PTPRD: variants seen among roughly 807,000 people sequenced by gnomAD.
PTPRD encodes protein tyrosine phosphatase receptor type D, also known as receptor-type tyrosine-protein phosphatase delta.
Under a neutral mutation model 214.5 loss-of-function variants are expected in PTPRD, and 34 were observed. That is an observed-to-expected ratio of 0.16 (90% CI 0.12 to 0.21). The LOEUF is 0.21. PTPRD is among the 10% of genes least tolerant of loss of function. The probability of loss-of-function intolerance (pLI) is 1.00; values close to 1 mark genes in which losing one functional copy is unlikely to be tolerated. For missense variants in PTPRD, 2,545 were observed against 2,398.7 expected, an observed-to-expected ratio of 1.06 and a Z score of -1.27; for synonymous variants, 1,128 against 845.7, an observed-to-expected ratio of 1.33 and a Z score of -5.79.
chr9:10,063,719 G>C (rs529597150), intron 3 of PTPRD, among the ~76,000 whole-genome samples: 5 of 152,086 alleles, frequency 3.3e-5, no homozygotes, highest in African/African-American at 9.6e-5. Context: ...AGAATCTGAG[G>C]TATATGAGGG....
intron 10 of PTPRD, among the ~76,000 whole-genome samples, chr9:9,075,352 T>G (rs150110643): frequency 4.3e-4 from 66 of 152,298 alleles, no homozygotes; most frequent in Admixed American, 1.4e-3. Flanking sequence ...TTTTGTTGAC[T>G]GTAATCACCC....
intron 27 of PTPRD, among the ~76,000 whole-genome samples, chr9:8,487,403 T>C (rs766212673): frequency 1.1e-4 from 16 of 151,922 alleles, no homozygotes; most frequent in Admixed American, 4.6e-4. Context: ...TGAGGGATGA[T>C]CATCAGAATA....
chr9:9,527,886 A>G (rs143587587), intron 8 of PTPRD, among the ~76,000 whole-genome samples: 1 of 152,360 alleles, frequency 6.6e-6, no homozygotes, highest in East Asian at 1.9e-4. Context: ...CTAGAATGTA[A>G]TAACAAAGAC....
intron 5 of PTPRD, among the ~76,000 whole-genome samples, chr9:9,889,788 AGTGTGT>A (rs138586181): frequency 2.1e-5 from 3 of 146,212 alleles, no homozygotes; most frequent in African/African-American, 7.5e-5. Flanking sequence ...GTTCCTGCTG[AGTGTGT>A]GTGTGTGTGT....
chr9:10,357,846 T>G (rs1597978671), intron 2 of PTPRD, among the ~76,000 whole-genome samples: 1 of 152,148 alleles, frequency 6.6e-6, no homozygotes, highest in Admixed American at 6.5e-5. Flanking sequence ...TCAAAACCCA[T>G]GAGGTCACTG....
chr9:9,750,107 C>G (rs2098502078), intron 6 of PTPRD, among the ~76,000 whole-genome samples: 1 of 152,148 alleles, frequency 6.6e-6, no homozygotes, highest in Non-Finnish European at 1.5e-5. Flanking sequence ...TACACAATTA[C>G]TAATACAAAT....
At chr9:8,331,496 A>C (rs1841019308) in intron 44 of PTPRD, 86 bp downstream of exon 44, 3 of 1,476,754 alleles carry the variant, frequency 2.0e-6, no homozygotes, top group Non-Finnish European at 2.7e-6. Context: ...AAAATTTCAA[A>C]TAAGCAAACT....
At chr9:10,296,322 T>G (rs907221980) in intron 3 of PTPRD, among the ~76,000 whole-genome samples, 2 of 151,966 alleles carry the variant, frequency 1.3e-5, no homozygotes, top group Admixed American at 1.3e-4. Flanking sequence ...GCCTGAAACT[T>G]ATATTCGTTT....
At chr9:8,930,326 G>C (rs1274002692) in intron 11 of PTPRD, among the ~76,000 whole-genome samples, 1 of 152,034 alleles carries the variant, frequency 6.6e-6, no homozygotes, top group Non-Finnish European at 1.5e-5. Context: ...ATTCCATGGT[G>C]TATATGTGCC....
intron 11 of PTPRD, among the ~76,000 whole-genome samples, chr9:8,917,059 T>C (rs1028374847): frequency 6.6e-5 from 10 of 151,372 alleles, no homozygotes; most frequent in Non-Finnish European, 1.3e-4. Context: ...TCTTTCTTTT[T>C]TTTTTTTTTT....
chr9:8,500,050 C>CAAAAAAAAAAAAAAAAAAAGAAAAA (rs34424655), intron 24 of PTPRD, among the ~76,000 whole-genome samples: 1 of 78,340 alleles, frequency 1.3e-5, no homozygotes, highest in Non-Finnish European at 2.6e-5. Flanking sequence ...ATGACCGATG[C>CAAAAAAAAAAAAAAAAAAAGAAAAA]AAAAAAAAAA....
intron 9 of PTPRD, among the ~76,000 whole-genome samples, chr9:9,236,591 C>G (rs192697613): frequency 4.6e-4 from 57 of 124,994 alleles, no homozygotes; most frequent in Admixed American, 4.0e-3. Context: ...TTAGTACATT[C>G]CTTTAGCTAA....
chr9:10,152,677 T>C (rs949401608), intron 3 of PTPRD, among the ~76,000 whole-genome samples: 1 of 151,960 alleles, frequency 6.6e-6, no homozygotes, highest in Non-Finnish European at 1.5e-5. Flanking sequence ...AATACAAAAT[T>C]AGCTGGGCGT....
chr9:10,240,538 C>T (rs34021808), intron 3 of PTPRD, among the ~76,000 whole-genome samples: 3,048 of 151,940 alleles, frequency 0.02, 68 homozygotes, highest in Non-Finnish European at 0.032. Context: ...CTTTATCTTA[C>T]AGGAAAAGTA....
intron 14 of PTPRD, among the ~76,000 whole-genome samples, chr9:8,615,819 C>T (rs1389329717): frequency 6.6e-6 from 1 of 151,958 alleles, no homozygotes; most frequent in South Asian, 2.1e-4. Flanking sequence ...AATTTCCGTC[C>T]CTTTCTTGCA....
intron 5 of PTPRD, among the ~76,000 whole-genome samples, chr9:9,826,113 T>C (rs1209291149): frequency 6.6e-6 from 1 of 151,830 alleles, no homozygotes; most frequent in Non-Finnish European, 1.5e-5. Flanking sequence ...GTCTTCCTTG[T>C]GTATCTTTAA....
intron 2 of PTPRD, among the ~76,000 whole-genome samples, chr9:10,572,504 G>T (rs2067781752): frequency 6.6e-6 from 1 of 152,150 alleles, no homozygotes; most frequent in Non-Finnish European, 1.5e-5. Flanking sequence ...GACAAAGAAT[G>T]ATGTCCTCAA....
intron 9 of PTPRD, among the ~76,000 whole-genome samples, chr9:9,255,993 C>A (rs2099977534): frequency 6.6e-6 from 1 of 151,986 alleles, no homozygotes; most frequent in African/African-American, 2.4e-5. Flanking sequence ...GAGGATTTTG[C>A]CAGGGCAAAC....
chr9:9,754,553 CA>C (rs1330484567), intron 6 of PTPRD, among the ~76,000 whole-genome samples: 1 of 151,950 alleles, frequency 6.6e-6, no homozygotes, highest in Non-Finnish European at 1.5e-5. Flanking sequence ...ATCTTTGAGA[CA>C]TTTTATTAAC....
Sources: gnomAD v4.1 joint callset for allele counts (sites outside exome capture counted in the v4.1 genomes callset) on GRCh38, gnomAD v4.1.1 for gene constraint, MANE v1.5 for transcripts, NCBI Gene and HGNC (gene_info 2026-07-23, HGNC 2026-07-21) for gene names.